SGCZ: variants seen among roughly 807,000 people sequenced by gnomAD.
SGCZ encodes sarcoglycan zeta, also known as zeta-sarcoglycan.
In SGCZ, 40 loss-of-function variants were observed where a neutral mutation model predicts 41.3. The observed-to-expected ratio is 0.97, with a 90% CI of 0.75 to 1.26. The LOEUF (loss-of-function observed/expected upper bound fraction) is 1.26, where lower values mean the gene tolerates loss of function less well. Ranked by LOEUF, SGCZ falls within the 50% of genes most tolerant of loss-of-function variation. SGCZ has a pLI of 0.00. For synonymous variants in SGCZ, 206 were observed against 137.5 expected (o/e 1.50, Z -3.49); for missense variants, 552 against 369.8 (o/e 1.49, Z -4.04).
intron 1 of SGCZ, among the ~76,000 whole-genome samples, chr8:14,707,697 T>C (rs533356429): frequency 1.3e-5 from 2 of 152,128 alleles, no homozygotes; most frequent in South Asian, 2.1e-4. Context: ...ACAGCATTTA[T>C]TTGAGAGCAA....
intron 1 of SGCZ, among the ~76,000 whole-genome samples, chr8:14,597,114 A>G (rs1457880317): frequency 1.3e-5 from 2 of 152,224 alleles, no homozygotes; most frequent in Non-Finnish European, 2.9e-5. Context: ...AGACATTCTT[A>G]GATAGTTTCA....
In SGCZ at chr8:14,683,202, C is replaced by A. The variant is rs543560295; in HGVS notation, c.40-128276G>T. 8.5e-5 allele frequency among the ~76,000 whole-genome samples: 13 copies of A among 152,168 alleles called. No homozygotes were observed. In the South Asian group the frequency reaches 2.7e-3, roughly 32 times the overall value. On this transcript the variant is annotated intron_variant, in intron 1 of 7. Coordinates refer to ENST00000382080, the MANE Select transcript of SGCZ (RefSeq NM_139167.4). ...TATGCCTAAATACTAATAGGGAAAT[C>A]TTCAGGCAATAGACTAATTTATAAT...
chr8:14,267,361 T>C (rs1034688469), intron 3 of SGCZ, among the ~76,000 whole-genome samples: 9 of 152,032 alleles, frequency 5.9e-5, no homozygotes, highest in Admixed American at 5.9e-4. Context: ...AGTAGCGTTA[T>C]CATTTAAATT....
chr8:14,210,516 G>T (rs1486542853), intron 4 of SGCZ, among the ~76,000 whole-genome samples: 1 of 151,238 alleles, frequency 6.6e-6, no homozygotes, highest in Non-Finnish European at 1.5e-5. Context: ...AGACTGGAGT[G>T]CAATGGTGCG....
chr8:14,965,075 T>C (rs1466832172), intron 1 of SGCZ, among the ~76,000 whole-genome samples: 1 of 152,040 alleles, frequency 6.6e-6, no homozygotes, highest in East Asian at 1.9e-4. Context: ...AGTCACAAAA[T>C]ATGTTTCTTG....
intron 2 of SGCZ, among the ~76,000 whole-genome samples, chr8:14,413,175 A>C (rs7461169): frequency 6.6e-6 from 1 of 151,792 alleles, no homozygotes; most frequent in South Asian, 2.1e-4. Flanking sequence ...TAGTAACACC[A>C]ACTAGAGCAA....
intron 1 of SGCZ, among the ~76,000 whole-genome samples, chr8:14,854,021 TTATATATATATATATATA>T (rs10604213): frequency 1.6e-4 from 17 of 107,676 alleles, no homozygotes; most frequent in South Asian, 1.0e-3. Context: ...TGTGATTATA[TTATATATATATATATATA>T]TATATATATA....
intron 1 of SGCZ, among the ~76,000 whole-genome samples, chr8:14,753,242 A>T (rs959782748): frequency 3.3e-5 from 5 of 152,158 alleles, no homozygotes; most frequent in Non-Finnish European, 5.9e-5. Flanking sequence ...CTAAAATTTT[A>T]GATTCATAAA....
At chr8:14,974,105 C>G (rs961284784) in intron 1 of SGCZ, among the ~76,000 whole-genome samples, 6 of 152,276 alleles carry the variant, frequency 3.9e-5, no homozygotes, top group Middle Eastern at 3.4e-3. Flanking sequence ...CTTGTTGACA[C>G]TGTGCAAAAT....
intron 1 of SGCZ, among the ~76,000 whole-genome samples, chr8:15,224,495 C>A (rs980057786): frequency 6.6e-6 from 1 of 152,072 alleles, no homozygotes; most frequent in Non-Finnish European, 1.5e-5. Flanking sequence ...ACTGAGTTTG[C>A]TACTACCATA....
chr8:14,541,828 A>G (rs1236959309), intron 2 of SGCZ, among the ~76,000 whole-genome samples: 1 of 151,958 alleles, frequency 6.6e-6, no homozygotes, highest in African/African-American at 2.4e-5. Context: ...GTCATTCTAA[A>G]TGGCATGAGA....
intron 3 of SGCZ, among the ~76,000 whole-genome samples, chr8:14,317,530 A>G (rs1165751820): frequency 6.6e-6 from 1 of 152,018 alleles, no homozygotes. Context: ...TAGCTTTTCC[A>G]CACAAGCACA....
chr8:14,680,807 C>A (rs534883373), intron 1 of SGCZ, among the ~76,000 whole-genome samples: 1 of 151,550 alleles, frequency 6.6e-6, no homozygotes, highest in African/African-American at 2.4e-5. Flanking sequence ...TAAAAAGACA[C>A]AAATTAAACT....
intron 1 of SGCZ, among the ~76,000 whole-genome samples, chr8:14,771,153 G>C (rs921382744): frequency 2.6e-5 from 4 of 151,506 alleles, no homozygotes; most frequent in African/African-American, 9.7e-5. Flanking sequence ...TTTTAGATGG[G>C]GACAGAACTA....
chr8:15,165,885 G>A (rs939034661), intron 1 of SGCZ, among the ~76,000 whole-genome samples: 1 of 152,160 alleles, frequency 6.6e-6, no homozygotes, highest in East Asian at 1.9e-4. Context: ...TCTGTAAATT[G>A]AGCACTGAAA....
chr8:15,089,460 C>CT (rs1324947609), intron 1 of SGCZ, among the ~76,000 whole-genome samples: 1 of 151,656 alleles, frequency 6.6e-6, no homozygotes, highest in Non-Finnish European at 1.5e-5. Flanking sequence ...CTCCTATATT[C>CT]TTTTTTTTAA....
At chr8:14,317,320 A>G (rs948014275) in intron 3 of SGCZ, among the ~76,000 whole-genome samples, 2 of 152,062 alleles carry the variant, frequency 1.3e-5, no homozygotes, top group Admixed American at 6.6e-5. Context: ...CATCTTGCAG[A>G]TGATAAAACT....
At chr8:15,024,922 T>C (rs190503311) in intron 1 of SGCZ, among the ~76,000 whole-genome samples, 3 of 144,398 alleles carry the variant, frequency 2.1e-5, no homozygotes, top group African/African-American at 5.1e-5. Flanking sequence ...GGCGACAGAG[T>C]GAGACTCCGT....
chr8:15,200,866 C>T (rs1800868606), intron 1 of SGCZ, among the ~76,000 whole-genome samples: 1 of 152,178 alleles, frequency 6.6e-6, no homozygotes, highest in Non-Finnish European at 1.5e-5. Flanking sequence ...CCAGAAATAA[C>T]ACTTGCATAT....
Sources: gnomAD v4.1 joint callset for allele counts (sites outside exome capture counted in the v4.1 genomes callset) on GRCh38, gnomAD v4.1.1 for gene constraint, MANE v1.5 for transcripts, NCBI Gene and HGNC (gene_info 2026-07-23, HGNC 2026-07-21) for gene names.